Variants in CCDC57 observed in about 807,000 individuals in gnomAD.
CCDC57 encodes coiled-coil domain containing 57.
A neutral mutation model predicts 118.9 loss-of-function variants in CCDC57; 118 were observed. That is an observed-to-expected ratio of 0.99 (90% CI 0.86 to 1.16). The LOEUF (loss-of-function observed/expected upper bound fraction) is 1.16. Ranked by LOEUF, CCDC57 falls within the 50% of genes most tolerant of loss-of-function variation. The pLI, the probability that CCDC57 is intolerant of heterozygous loss-of-function variation, is 0.00. For synonymous variants in CCDC57, 527 were observed against 532.9 expected (o/e 0.99, Z 0.15); for missense variants, 1,300 against 1,320.7 (o/e 0.98, Z 0.24).
At chr17:82,152,628 G>A (rs2042194472) in intron 15 of CCDC57, among the ~76,000 whole-genome samples, 1 of 152,220 alleles carries the variant, frequency 6.6e-6, no homozygotes, top group African/African-American at 2.4e-5. Context: ...TAGTGTCCAG[G>A]CCCTGGCAAG....
chr17:82,174,995 C>A (rs1281014444), intron 11 of CCDC57, among the ~76,000 whole-genome samples: 1 of 152,178 alleles, frequency 6.6e-6, no homozygotes, highest in African/African-American at 2.4e-5. Flanking sequence ...CGCCTGGGTA[C>A]AACAACAGGA....
At chr17:82,116,461 C>T (rs2035935360) in intron 19 of CCDC57, among the ~76,000 whole-genome samples, 1 of 152,154 alleles carries the variant, frequency 6.6e-6, no homozygotes, top group Non-Finnish European at 1.5e-5. Context: ...GCCCTACCCA[C>T]TTCTCCTATG....
At position 82,212,370 on chromosome 17, in the gene CCDC57, A is replaced by T. The variant is rs1599535235; in HGVS notation, c.-211+415T>A. On this transcript the variant is annotated intron_variant, in intron 1 of 19. Coordinates refer to ENST00000665763, the Ensembl canonical transcript of CCDC57. This position sits in a 1 kb window ranked among gnomAD's most constrained non-coding sequence, Gnocchi z 4.1. ...AAGTGCTGGATTACAGGCGCGAACC[A>T]CCGCCTCCGGCCTTTTTTTTTCCTC... 7.2e-6 allele frequency among the ~76,000 whole-genome samples: 1 copy of T among 138,360 alleles called. No homozygotes were observed. The highest frequency in any genetic ancestry group is 1.6e-5 in the Non-Finnish European group (1 of 64,390). The allele number at this position is 138,360 out of a possible 152,430, so 90.8% of individuals were successfully genotyped here. A position where few individuals can be genotyped will look rare whatever the true frequency, so the allele number is the denominator to read the frequency against.
In CCDC57 at chr17:82,128,640, T is replaced by C. The variant is rs774959778; in HGVS notation, c.2578-43A>G. The C allele has an allele frequency of 3.0e-5, 42 of 1,402,222 alleles. No individual in the cohort carries two copies. In the East Asian group the frequency reaches 8.9e-4, roughly 30 times the overall value. The allele number at this position is 1,402,222 out of a possible 1,614,324, so 86.9% of individuals were successfully genotyped here. On this transcript the variant is annotated intron_variant, in intron 17 of 19. Transcript: ENST00000665763. ...ATGAGAGGACTCTGGTATTCACATGTACTGATGGTGCATGTCAGTGAGTTT... is the reference window on the plus strand; with the variant it reads ...ATGAGAGGACTCTGGTATTCACATGCACTGATGGTGCATGTCAGTGAGTTT...
intron 1 of CCDC57, among the ~76,000 whole-genome samples, chr17:82,208,815 C>A (rs2049963908): frequency 6.6e-6 from 1 of 152,160 alleles, no homozygotes; most frequent in African/African-American, 2.4e-5. Context: ...GCTCTTGTGG[C>A]CCCTCTTGGA....
chr17:82,209,420 T>C (rs2050016889), intron 1 of CCDC57, among the ~76,000 whole-genome samples: 1 of 152,178 alleles, frequency 6.6e-6, no homozygotes, highest in South Asian at 2.1e-4. Context: ...CAAAATGAAG[T>C]AGAAACAGGT....
At chr17:82,188,380 T>C (rs1214435469) in exon 8 of CCDC57, 1 of 1,611,790 alleles carries the variant, frequency 6.2e-7, no homozygotes, top group Non-Finnish European at 8.5e-7. Context: ...CCACCAGCAC[T>C]GCATCCTTCT....
At chr17:82,164,271 C>T (rs1165639006) in intron 13 of CCDC57, among the ~76,000 whole-genome samples, 5 of 151,488 alleles carry the variant, frequency 3.3e-5, no homozygotes, top group Non-Finnish European at 5.9e-5. Context: ...GTCTCAACTA[C>T]TCGGGAGGCT....
At chr17:82,169,683 G>A (rs190753739) in intron 13 of CCDC57, among the ~76,000 whole-genome samples, 38 of 152,326 alleles carry the variant, frequency 2.5e-4, no homozygotes, top group African/African-American at 8.9e-4. Context: ...TGGGGGATTG[G>A]TTACACCAAG....
Position 82,134,064 on chromosome 17 carries a change from G to A in CCDC57, c.2577+9C>T, listed in dbSNP as rs2038819227. Reference sequence around the variant, plus strand: ...TTAAAAATGCATGTCTTAGATGAAGGGGTGTTACCTGAGATGTAAAATGGG... The same window carrying A: ...TTAAAAATGCATGTCTTAGATGAAGAGGTGTTACCTGAGATGTAAAATGGG... On this transcript the variant is annotated intron_variant, in intron 17 of 19. Coordinates refer to ENST00000665763, the Ensembl canonical transcript of CCDC57. 9.4e-6 allele frequency: 13 copies of A among 1,387,784 alleles called. No individual in the cohort carries two copies. The highest frequency in any genetic ancestry group is 1.2e-5 in the Non-Finnish European group (13 of 1,068,646). The allele number at this position is 1,387,784 out of a possible 1,614,324, so 86.0% of individuals were successfully genotyped here.
chr17:82,143,109 C>T (rs902088867), intron 16 of CCDC57, among the ~76,000 whole-genome samples: 4 of 151,430 alleles, frequency 2.6e-5, no homozygotes, highest in Non-Finnish European at 5.9e-5. Context: ...TTGTAGATCG[C>T]GCCATTGCAC....
At chr17:82,184,019 G>GCA (rs2046554824) in intron 8 of CCDC57, 87 bp from the exon 8 acceptor site, 7 of 241,208 alleles carry the variant, frequency 2.9e-5, no homozygotes, top group Non-Finnish European at 4.4e-5. Flanking sequence ...ATACACATGC[G>GCA]CGCGCGCGCG....
chr17:82,123,982 C>CAAAAAAAAAAAAAAAAAAAA (rs200031813), intron 19 of CCDC57, among the ~76,000 whole-genome samples: 5 of 64,288 alleles, frequency 7.8e-5, no homozygotes, highest in Admixed American at 4.1e-4. Context: ...CATCCAAAAG[C>CAAAAAAAAAAAAAAAAAAAA]AAAAAAAAAA....
chr17:82,184,015 A>ATG (rs2046539932), intron 8 of CCDC57, 83 bp from the exon 8 acceptor site: 7 of 525,134 alleles, frequency 1.3e-5, no homozygotes, highest in Non-Finnish European at 2.1e-5. Context: ...GCAAATACAC[A>ATG]TGCGCGCGCG....
At chr17:82,167,722 C>A (rs564882505) in intron 13 of CCDC57, among the ~76,000 whole-genome samples, 2 of 151,840 alleles carry the variant, frequency 1.3e-5, no homozygotes, top group East Asian at 3.9e-4. Flanking sequence ...CTCAAGTGAT[C>A]CACCCACCTC....
intron 15 of CCDC57, chr17:82,156,551 C>A (rs1215555860): frequency 1.3e-5 from 2 of 152,274 alleles, no homozygotes; most frequent in Non-Finnish European, 2.9e-5. Context: ...GGGCAGGAGC[C>A]ACCCTGGAGT....
At chr17:82,121,478 T>C (rs2145125541) in intron 19 of CCDC57, among the ~76,000 whole-genome samples, 1 of 152,348 alleles carries the variant, frequency 6.6e-6, no homozygotes, top group East Asian at 1.9e-4. Context: ...GGAGGCAACA[T>C]GACCCCCACA....
chr17:82,169,927 T>C (rs2044471915), intron 13 of CCDC57, among the ~76,000 whole-genome samples: 1 of 152,152 alleles, frequency 6.6e-6, no homozygotes, highest in African/African-American at 2.4e-5. Flanking sequence ...TGGGAGAAGA[T>C]ATTTGCAACA....
At chr17:82,110,940 G>A (rs1322503834) in intron 19 of CCDC57, among the ~76,000 whole-genome samples, 3 of 150,472 alleles carry the variant, frequency 2.0e-5, no homozygotes, top group Non-Finnish European at 4.4e-5. Context: ...CAGGAGAATC[G>A]CTTGAACCCT....
Sources: gnomAD v4.1 joint callset for allele counts (sites outside exome capture counted in the v4.1 genomes callset) on GRCh38, gnomAD v4.1.1 for gene constraint, Gnocchi (gnomAD v3.1) non-coding constraint, MANE v1.5 for transcripts, NCBI Gene and HGNC (gene_info 2026-07-23, HGNC 2026-07-21) for gene names.